Variants in CELF2 observed in about 807,000 individuals in gnomAD.
CELF2 encodes CUG triplet repeat RNA-binding protein 2.
In CELF2, 8 loss-of-function variants were observed where a neutral mutation model predicts 62.6. The observed-to-expected ratio is 0.13, with a 90% CI of 0.07 to 0.23. The LOEUF is 0.23. Ranked by LOEUF, CELF2 falls within the 10% of genes least tolerant of loss-of-function variation. CELF2 has a pLI of 1.00. For synonymous variants in CELF2, 258 were observed against 250.0 expected (o/e 1.03, Z -0.30); for missense variants, 333 against 671.0 (o/e 0.50, Z 5.56).
the CELF2 span, among the ~76,000 whole-genome samples, chr10:10,663,517 A>T: frequency 6.6e-6 from 1 of 152,242 alleles, no homozygotes; most frequent in Non-Finnish European, 1.5e-5. Flanking sequence ...AGGTTCAAAG[A>T]ATGTTTATGT....
chr10:10,687,632 A>T, the CELF2 span, among the ~76,000 whole-genome samples: 1 of 152,212 alleles, frequency 6.6e-6, no homozygotes, highest in Non-Finnish European at 1.5e-5. Flanking sequence ...GTTCAATAGA[A>T]CTTCATATTT....
the CELF2 span, chr10:10,776,172 A>G: frequency 6.5e-6 from 1 of 153,180 alleles, no homozygotes; most frequent in African/African-American, 2.4e-5. Context: ...CCTTACAGGA[A>G]GTTCAGTAGC....
chr10:10,838,675 T>C (rs765252079), intron 1 of CELF2, among the ~76,000 whole-genome samples: 2 of 152,238 alleles, frequency 1.3e-5, no homozygotes, highest in Non-Finnish European at 2.9e-5. Flanking sequence ...GGGATGCTCT[T>C]GTTCAGTTGT....
chr10:10,755,046 A>G, the CELF2 span, among the ~76,000 whole-genome samples: 2 of 152,250 alleles, frequency 1.3e-5, no homozygotes, highest in African/African-American at 4.8e-5. Context: ...GATAACTTTA[A>G]ATATACACCA....
rs116341270 is a variant in CELF2 at position 11,247,425 on chromosome 10, C to G, written c.355-1728C>G. 2.6e-5 allele frequency among the ~76,000 whole-genome samples: 4 copies of G among 152,232 alleles called. No individual in the cohort carries two copies. Among genetic ancestry groups the G allele is most frequent in the Non-Finnish European group, 4.4e-5 (3 of 68,046 alleles). ...TTCAGTGCTCGCACGTCCAAGGACT[C>G]GGCCCAGATGCAGCCTTGGCTTTCC... On this transcript the variant is annotated intron_variant, in intron 3 of 12. Coordinates refer to ENST00000633077, the MANE Select transcript of CELF2 (RefSeq NM_001326342.2). This position sits in a 1 kb window ranked among gnomAD's most constrained non-coding sequence, Gnocchi z 5.4.
At chr10:10,486,675 A>G in the CELF2 span, among the ~76,000 whole-genome samples, 1 of 152,068 alleles carries the variant, frequency 6.6e-6, no homozygotes, top group Non-Finnish European at 1.5e-5. Flanking sequence ...GCGTCATGTC[A>G]GTGGTGATCA....
chr10:11,210,669 AGGCGGGT>A (rs2061572395), intron 2 of CELF2, among the ~76,000 whole-genome samples: 3 of 152,226 alleles, frequency 2.0e-5, no homozygotes, highest in African/African-American at 7.2e-5. Flanking sequence ...TCCTTGCTTC[AGGCGGGT>A]GGCTGCAGAA....
intron 2 of CELF2, among the ~76,000 whole-genome samples, chr10:10,953,098 G>A (rs1173434829): frequency 1.3e-5 from 2 of 152,154 alleles, no homozygotes; most frequent in African/African-American, 4.8e-5. Context: ...TTCTGTCCTC[G>A]AGCCACAATC....
chr10:10,810,822 C>T (rs2055797167), intron 1 of CELF2, among the ~76,000 whole-genome samples: 1 of 152,094 alleles, frequency 6.6e-6, no homozygotes, highest in Admixed American at 6.5e-5. Flanking sequence ...TTCCAGTCAG[C>T]AGGAGTTCAA....
chr10:10,568,440 A>G, the CELF2 span, among the ~76,000 whole-genome samples: 11 of 152,336 alleles, frequency 7.2e-5, no homozygotes, highest in African/African-American at 2.6e-4. Flanking sequence ...CTTATCACCT[A>G]TGGCTACTTT....
chr10:11,288,858 TG>T (rs1398334587), intron 9 of CELF2, among the ~76,000 whole-genome samples: 1 of 152,256 alleles, frequency 6.6e-6, no homozygotes. Flanking sequence ...GTTACCACTG[TG>T]AAGAGCCTCC....
chr10:10,842,433 A>C (rs2058742430), intron 1 of CELF2, among the ~76,000 whole-genome samples: 1 of 152,080 alleles, frequency 6.6e-6, no homozygotes, highest in South Asian at 2.1e-4. Context: ...AGGTTTTAAA[A>C]TATATGCTCT....
the CELF2 span, among the ~76,000 whole-genome samples, chr10:10,502,468 T>C: frequency 6.6e-6 from 1 of 152,042 alleles, no homozygotes; most frequent in Non-Finnish European, 1.5e-5. Context: ...ATTCAAACCA[T>C]TCATTTCATA....
chr10:11,216,357 T>C (rs1024397262), intron 2 of CELF2, among the ~76,000 whole-genome samples: 1 of 152,216 alleles, frequency 6.6e-6, no homozygotes, highest in African/African-American at 2.4e-5. Flanking sequence ...GGCCCCTGTC[T>C]GGCTCCGTGC....
chr10:11,253,988 T>C (rs919255223), intron 4 of CELF2, among the ~76,000 whole-genome samples: 14 of 152,354 alleles, frequency 9.2e-5, no homozygotes, highest in African/African-American at 3.4e-4. Context: ...ACAGTGCGTT[T>C]CATTTAAACT....
chr10:10,807,997 G>C (rs925574017), intron 1 of CELF2, among the ~76,000 whole-genome samples: 1 of 152,304 alleles, frequency 6.6e-6, no homozygotes, highest in African/African-American at 2.4e-5. Flanking sequence ...TAAAGACAAA[G>C]TTCTGTGGCT....
chr10:10,576,268 AC>A, the CELF2 span, among the ~76,000 whole-genome samples: 1 of 152,112 alleles, frequency 6.6e-6, no homozygotes, highest in South Asian at 2.1e-4. Flanking sequence ...CCTACCCATC[AC>A]CCCTGTCTAA....
At position 11,202,941 on chromosome 10, in the gene CELF2, CTCTCTCTCTCTG is replaced by C. The variant is rs1161186970; in HGVS notation, c.272-14482_272-14471del. On this transcript the variant is annotated intron_variant, in intron 2 of 12. Transcript: ENST00000633077. ...TCTCTCTCTCTCTCTCTCTCTCTCT[CTCTCTCTCTCTG>C]TGTGTGTGTGTGTGTGTGTAATCCA... Among the ~76,000 whole-genome samples, 520 of 89,888 alleles carry C rather than the reference CTCTCTCTCTCTG, an allele frequency of 5.8e-3. 3 individuals are homozygous for C. Among genetic ancestry groups the C allele is most frequent in the African/African-American group, 9.3e-3 (205 of 22,134 alleles). The allele number at this position is 89,888 out of a possible 152,430, so 59.0% of individuals were successfully genotyped here.
intron 1 of CELF2, among the ~76,000 whole-genome samples, chr10:10,916,522 C>T (rs1289262799): frequency 1.3e-5 from 2 of 152,204 alleles, no homozygotes; most frequent in African/African-American, 2.4e-5. Flanking sequence ...GGGCCAACAC[C>T]TTTGTCTTTG....
Sources: gnomAD v4.1 joint callset for allele counts (sites outside exome capture counted in the v4.1 genomes callset) on GRCh38, gnomAD v4.1.1 for gene constraint, Gnocchi (gnomAD v3.1) non-coding constraint, MANE v1.5 for transcripts, NCBI Gene and HGNC (gene_info 2026-07-23, HGNC 2026-07-21) for gene names.